Variants in ZNF365 observed in about 807,000 individuals in gnomAD.
ZNF365 encodes zinc finger protein 365.
In ZNF365, 22 loss-of-function variants were observed where a neutral mutation model predicts 35.0. That is an observed-to-expected ratio of 0.63 (90% CI 0.45 to 0.90). The LOEUF is 0.90. Among genes scored for constraint, ZNF365 ranks in the 40% least tolerant of loss-of-function variants. ZNF365 has a pLI of 0.00. For synonymous variants in ZNF365, 188 were observed against 196.2 expected (o/e 0.96, Z 0.35); for missense variants, 448 against 500.3 (o/e 0.90, Z 1.00).
intron 3 of ZNF365, among the ~76,000 whole-genome samples, chr10:62,394,644 T>C (rs1839691613): frequency 6.6e-6 from 1 of 152,138 alleles, no homozygotes; most frequent in Non-Finnish European, 1.5e-5. Context: ...ATCAGCCAGG[T>C]GAACAAGAAC....
At chr10:62,384,020 G>C (rs1022933974) in intron 2 of ZNF365, among the ~76,000 whole-genome samples, 1 of 149,888 alleles carries the variant, frequency 6.7e-6, no homozygotes, top group African/African-American at 2.5e-5. Context: ...ATATTGTACT[G>C]GTATTTTTTT....
intron 1 of ZNF365, 31 bp from the exon 2 acceptor site, chr10:62,376,150 A>G: frequency 6.2e-7 from 1 of 1,600,986 alleles, no homozygotes; most frequent in Non-Finnish European, 8.5e-7. Context: ...TTTTCAGCCG[A>G]CTTGTAAACT....
At chr10:62,469,162 T>C (rs548199046) in intron 4 of ZNF365, among the ~76,000 whole-genome samples, 2 of 152,366 alleles carry the variant, frequency 1.3e-5, no homozygotes, top group Admixed American at 6.5e-5. Flanking sequence ...AATGATAACA[T>C]CTGCCTATTA....
At chr10:62,399,414 C>T (rs1172610488) in intron 4 of ZNF365, 114 bp from the exon 5 acceptor site, 1 of 1,439,972 alleles carries the variant, frequency 6.9e-7, no homozygotes, top group Non-Finnish European at 9.3e-7. Flanking sequence ...GTAGCATTAT[C>T]ACCACTGTAG....
rs149142683 is a variant in ZNF365, at chr10:62,399,585, C to T, written c.1020C>T (p.His340=). ...ACCCTGATCTCAAGGCCCATTTCCA[C>T]CCAAAGGGAAGGAACCACCTGAAAA... The part of the protein sequence containing the change: ...CNHPDLKAHF[H]PKGRNHLKKA... The change falls in exon 5 of 5, where the codon CAC becomes CAT. Residue 340 remains histidine (H), a synonymous_variant. Coordinates refer to ENST00000395254, the MANE Select transcript of ZNF365 (RefSeq NM_014951.3). 4.1e-5 allele frequency: 66 copies of T among 1,614,194 alleles called. No individual in the cohort carries two copies. In the Middle Eastern group the frequency reaches 1.8e-3, roughly 44 times the overall value.
intron 3 of ZNF365, among the ~76,000 whole-genome samples, chr10:62,424,812 G>A (rs1564584394): frequency 6.6e-6 from 1 of 152,162 alleles, no homozygotes; most frequent in Non-Finnish European, 1.5e-5. Flanking sequence ...AATCTCAATT[G>A]TCCTAGAGTT....
At chr10:62,408,856 A>ATTGCT (rs1413993973) in intron 3 of ZNF365, among the ~76,000 whole-genome samples, 1 of 152,092 alleles carries the variant, frequency 6.6e-6, no homozygotes, top group Non-Finnish European at 1.5e-5. Context: ...CCTTCATGCA[A>ATTGCT]TTGCTTTGCT....
At chr10:62,443,204 C>T (rs1346761105) in intron 3 of ZNF365, among the ~76,000 whole-genome samples, 1 of 152,224 alleles carries the variant, frequency 6.6e-6, no homozygotes, top group East Asian at 1.9e-4. Flanking sequence ...GTGAATAAAT[C>T]AGTTATCAGC....
intron 3 of ZNF365, among the ~76,000 whole-genome samples, chr10:62,443,573 A>T (rs1840536775): frequency 6.6e-6 from 1 of 152,212 alleles, no homozygotes; most frequent in Admixed American, 6.5e-5. Context: ...GGAGTTAAAA[A>T]CATTAACTTC....
chr10:62,424,653 A>T (rs1840224135), intron 3 of ZNF365, among the ~76,000 whole-genome samples: 1 of 152,154 alleles, frequency 6.6e-6, no homozygotes, highest in African/African-American at 2.4e-5. Context: ...GTGTTATAAA[A>T]ATCTCTCTAG....
chr10:62,408,609 T>C (rs1028200445), intron 3 of ZNF365, among the ~76,000 whole-genome samples: 2 of 152,160 alleles, frequency 1.3e-5, no homozygotes, highest in Non-Finnish European at 2.9e-5. Flanking sequence ...TATTTGTTTA[T>C]TTGAGACTAT....
chr10:62,480,081 T>A (rs1365901469), exon 5 of ZNF365: 3 of 1,332,508 alleles, frequency 2.3e-6, no homozygotes, highest in African/African-American at 3.0e-5. Context: ...AGACTCCTGA[T>A]GGATGAGCTC....
At chr10:62,389,790 A>G (rs1220976764) in intron 3 of ZNF365, among the ~76,000 whole-genome samples, 2 of 152,242 alleles carry the variant, frequency 1.3e-5, no homozygotes, top group Admixed American at 1.3e-4. Context: ...TTTCCAGAAC[A>G]AAAAGAGACT....
rs148416091 is a variant in ZNF365, at chr10:62,438,437, G to C, written c.925-21304G>C. ...TCCTGGCCTCAAGTGATACACCCGC[G>C]TTGGCCTCCCAAAATGCTGGGATTA... On this transcript the variant is annotated intron_variant, in intron 3 of 4. Coordinates refer to the ZNF365 transcript ENST00000395255. 3.1e-3 allele frequency among the ~76,000 whole-genome samples: 472 copies of C among 151,984 alleles called. 3 individuals carry two copies. The highest frequency in any genetic ancestry group is 0.011 in the African/African-American group (452 of 41,494).
At chr10:62,417,840 T>G (rs888233718) in intron 3 of ZNF365, among the ~76,000 whole-genome samples, 5 of 151,974 alleles carry the variant, frequency 3.3e-5, no homozygotes, top group Admixed American at 3.3e-4. Context: ...AAAGACTGAC[T>G]TTTTGTGTGA....
intron 4 of ZNF365, among the ~76,000 whole-genome samples, chr10:62,466,272 C>G (rs1042791636): frequency 6.6e-6 from 1 of 152,206 alleles, no homozygotes; most frequent in Non-Finnish European, 1.5e-5. Flanking sequence ...TGTCCAGACC[C>G]TGGTGCCTGC....
At chr10:62,468,186 G>A (rs1804783095) in intron 4 of ZNF365, among the ~76,000 whole-genome samples, 2 of 151,816 alleles carry the variant, frequency 1.3e-5, no homozygotes, top group African/African-American at 4.8e-5. Context: ...ATATAAAAAA[G>A]CACAAAGAAA....
chr10:62,466,118 A>G (rs371584926), intron 4 of ZNF365, among the ~76,000 whole-genome samples: 1 of 152,148 alleles, frequency 6.6e-6, no homozygotes, highest in Non-Finnish European at 1.5e-5. Flanking sequence ...GGGCGACAAG[A>G]AGGAGAGAAG....
At chr10:62,402,683 AG>A (rs1839848605), downstream of ZNF365, among the ~76,000 whole-genome samples, 1 of 146 alleles carries the variant, frequency 6.8e-3, no homozygotes, top group Non-Finnish European at 0.013. Flanking sequence ...CTTCATTAAA[AG>A]CCCCATTTGG....
Sources: allele counts gnomAD v4.1 joint callset (sites outside exome capture counted in the v4.1 genomes callset), GRCh38; gene constraint gnomAD v4.1.1; transcripts MANE v1.5; gene names NCBI Gene and HGNC (gene_info 2026-07-23, HGNC 2026-07-21).